POLR1C: variants seen among roughly 807,000 people sequenced by gnomAD.
The protein encoded by POLR1C is RNA polymerase I and III subunit C.
Under a neutral mutation model 38.3 loss-of-function variants are expected in POLR1C, and 42 were observed. The observed-to-expected ratio is 1.10, with a 90% CI of 0.86 to 1.42. POLR1C has a LOEUF of 1.42. POLR1C is among the 40% of genes most tolerant of loss of function. The probability of loss-of-function intolerance (pLI) is 0.00; values close to 1 mark genes in which losing one functional copy is unlikely to be tolerated. For synonymous variants in POLR1C, 163 were observed against 163.9 expected, an observed-to-expected ratio of 0.99 and a Z score of 0.04; for missense variants, 507 against 450.5, an observed-to-expected ratio of 1.13 and a Z score of -1.14.
At chr6:43,531,071 TTAGTG>T (rs1336072553), downstream of POLR1C, among the ~76,000 whole-genome samples, 3 of 152,222 alleles carry the variant, frequency 2.0e-5, no homozygotes, top group Non-Finnish European at 4.4e-5. Context: ...GCTTGGCTGA[TTAGTG>T]TAGTGGTTAG....
intron 9 of POLR1C, chr6:43,539,408 C>T (rs1429736591): frequency 6.4e-7 from 1 of 1,574,298 alleles, no homozygotes; most frequent in African/African-American, 1.3e-5. Flanking sequence ...GAGAGAGGCC[C>T]CCAGGAAAAA....
chr6:43,521,082 C>A (rs1303717822), intron 8 of POLR1C, 34 bp downstream of exon 8: 1 of 1,595,706 alleles, frequency 6.3e-7, no homozygotes, highest in African/African-American at 1.3e-5. Context: ...GTGGGCAGTG[C>A]TCTTTGGTGC....
intron 2 of POLR1C, chr6:43,519,106 G>T (rs919477632): frequency 1.0e-5 from 6 of 582,548 alleles, no homozygotes; most frequent in African/African-American, 7.4e-5. Flanking sequence ...GGATGGTTTG[G>T]TTGGAAGCCA....
downstream of POLR1C, chr6:43,533,663 T>C (rs901856233): frequency 2.7e-5 from 8 of 296,682 alleles, no homozygotes; most frequent in Non-Finnish European, 5.4e-5. Context: ...ATAGCAAGAC[T>C]CTGTCTCAAC....
rs770624952 is a variant in POLR1C at position 43,521,196 on chromosome 6, A to G, written c.937A>G (p.Thr313Ala). 2 of 1,613,990 alleles carry G rather than the reference A, an allele frequency of 1.2e-6. No individual in the cohort carries two copies. Among genetic ancestry groups the G allele is most frequent in the African/African-American group, 1.3e-5 (1 of 74,934 alleles). ...RDHYIFSVES[T>A]GVLPPDVLVS... ...TTGGTCCCCAGTCTCTGTTGAGTCA[A>G]CGGGGGTGTTGCCACCAGATGTGCT... The change falls in exon 9 of 9, where the codon ACG becomes GCG. Residue 313 changes from threonine to alanine, a missense_variant. Coordinates refer to ENST00000642195, the MANE Select transcript of POLR1C (RefSeq NM_203290.4).
chr6:43,529,164 C>A, intron 8 of POLR1C: 1 of 1,469,682 alleles, frequency 6.8e-7, no homozygotes, highest in Non-Finnish European at 9.2e-7. Flanking sequence ...ATTATGGTCA[C>A]TGGCCCAAAA....
rs765306530 is a variant in POLR1C, at chr6:43,546,636, T to A, written c.*5-4332T>A. 4 of 1,613,896 alleles carry A rather than the reference T, an allele frequency of 2.5e-6. No individual in the cohort carries two copies. In the Admixed American group the frequency reaches 5.0e-5, roughly 20 times the overall value. ...GCTCTGTGCAGGGGTTACGGAAGAT[T>A]GGATTTCCACTGGATGTATAACCCA... On this transcript the variant is annotated intron_variant, in intron 9 of 10. Transcript: ENST00000607635.
downstream of POLR1C, chr6:43,525,743 AC>A: frequency 7.7e-7 from 1 of 1,305,126 alleles, no homozygotes; most frequent in Non-Finnish European, 1.0e-6. Context: ...AAGGAGTATT[AC>A]AAAAAACTCT....
intron 9 of POLR1C, chr6:43,546,561 T>G: frequency 6.3e-7 from 1 of 1,596,958 alleles, no homozygotes; most frequent in Non-Finnish European, 8.5e-7. Flanking sequence ...AAGCCATTAT[T>G]CTGACTCACC....
chr6:43,524,708 C>A, downstream of POLR1C: 1 of 1,589,434 alleles, frequency 6.3e-7, no homozygotes, highest in Non-Finnish European at 8.6e-7. Context: ...CTGCCACACC[C>A]ATTTCTCAGA....
At position 43,529,141 on chromosome 6, in the gene POLR1C, C is replaced by T. The variant is rs1373766382; in HGVS notation, c.923-108C>T. 1.3e-5 allele frequency: 17 copies of T among 1,277,062 alleles called. No individual in the cohort carries two copies. In the Admixed American group the frequency reaches 1.7e-4, roughly 13 times the overall value. The allele number at this position is 1,277,062 out of a possible 1,614,324, so 79.1% of individuals were successfully genotyped here. On this transcript the variant is annotated intron_variant, in intron 8 of 8. Coordinates refer to the POLR1C transcript ENST00000304004. Reference sequence around the variant, plus strand: ...TATACTCTTAGTTTAGCTGCATTTCCGTCAGGCTGCACATTATGGTCACTG... The same window carrying T: ...TATACTCTTAGTTTAGCTGCATTTCTGTCAGGCTGCACATTATGGTCACTG...
At chr6:43,529,778 G>A (rs76589343), downstream of POLR1C, among the ~76,000 whole-genome samples, 253 of 151,804 alleles carry the variant, frequency 1.7e-3, 1 homozygote, top group Non-Finnish European at 2.9e-3. Flanking sequence ...AAAACTAGCT[G>A]GGTGTGGTGG....
Position 43,520,569 on chromosome 6 carries a change from T to C in POLR1C, c.656-56T>C, listed in dbSNP as rs374637200. On this transcript the variant is annotated intron_variant, in intron 6 of 8. Coordinates refer to ENST00000642195, the MANE Select transcript of POLR1C (RefSeq NM_203290.4). ...TTTGCTGTTAGTAGCTTAGGAGGAG[T>C]ATTCTTCCTAACCCTAGAAGGGTTT... The C allele has an allele frequency of 6.2e-6, 10 of 1,608,112 alleles. No individual in the cohort carries two copies. The East Asian group carries it at 2.2e-4, about 36-fold the overall frequency.
chr6:43,527,612 C>A (rs1463979540), intron 8 of POLR1C: 4 of 1,612,690 alleles, frequency 2.5e-6, no homozygotes, highest in Non-Finnish European at 3.4e-6. Context: ...CTCTATAGCC[C>A]CAGTTTCGAC....
chr6:43,523,834 AG>A (rs761029519), downstream of POLR1C: 1 of 1,613,958 alleles, frequency 6.2e-7, no homozygotes, highest in Non-Finnish European at 8.5e-7. Context: ...AGAGATGACA[AG>A]AAAGGCCGAG....
intron 9 of POLR1C, among the ~76,000 whole-genome samples, chr6:43,548,708 T>G (rs1322273134): frequency 1.3e-5 from 2 of 151,364 alleles, no homozygotes; most frequent in African/African-American, 4.8e-5. Flanking sequence ...TGTGAAAAGA[T>G]CAGCTTGTTT....
chr6:43,552,255 G>C (rs182273147), intron 10 of POLR1C, among the ~76,000 whole-genome samples: 1 of 151,436 alleles, frequency 6.6e-6, no homozygotes, highest in Non-Finnish European at 1.5e-5. Context: ...ACAGGGTTTC[G>C]CCATGTTGAC....
intron 9 of POLR1C, chr6:43,547,352 C>T: frequency 3.6e-6 from 2 of 548,112 alleles, no homozygotes; most frequent in Non-Finnish European, 6.7e-6. Flanking sequence ...CCTCATTACA[C>T]CTTCAGTCTT....
downstream of POLR1C, chr6:43,523,637 C>T: frequency 1.3e-6 from 1 of 782,642 alleles, no homozygotes. Flanking sequence ...TGGGAACTAT[C>T]TGGGACATCT....
Sources: gnomAD v4.1 joint callset for allele counts (sites outside exome capture counted in the v4.1 genomes callset) on GRCh38, gnomAD v4.1.1 for gene constraint, MANE v1.5 for transcripts, NCBI Gene and HGNC (gene_info 2026-07-23, HGNC 2026-07-21) for gene names.